MTCL1: variants seen among roughly 807,000 people sequenced by gnomAD.
MTCL1 encodes the protein microtubule crosslinking factor 1.
MTCL1 carries 79 observed loss-of-function variants against 141.4 expected under a neutral mutation model. The ratio of observed to expected loss-of-function variants is 0.56; its 90% CI spans 0.47 to 0.67. The LOEUF (loss-of-function observed/expected upper bound fraction) is 0.67. Ranked by LOEUF, MTCL1 falls within the 30% of genes least tolerant of loss-of-function variation. The pLI is 0.00. For synonymous variants in MTCL1, 914 were observed against 875.8 expected (o/e 1.04, Z -0.77); for missense variants, 2,177 against 2,113.9 (o/e 1.03, Z -0.59).
chr18:8,767,092 G>T (rs2096463200), intron 4 of MTCL1, among the ~76,000 whole-genome samples: 1 of 152,218 alleles, frequency 6.6e-6, no homozygotes, highest in Non-Finnish European at 1.5e-5. Context: ...CAGTGGCAGA[G>T]GCTGATGGAG....
chr18:8,745,965 T>C (rs1436098253), intron 4 of MTCL1, among the ~76,000 whole-genome samples: 1 of 152,230 alleles, frequency 6.6e-6, no homozygotes, highest in Non-Finnish European at 1.5e-5. Context: ...TCTGTGTACC[T>C]CATATAATTG....
At chr18:8,724,843 G>T (rs1488457369) in intron 4 of MTCL1, among the ~76,000 whole-genome samples, 1 of 151,980 alleles carries the variant, frequency 6.6e-6, no homozygotes, top group Non-Finnish European at 1.5e-5. Context: ...GGCTGATCTG[G>T]CTAGAATTAT....
chr18:8,780,942 G>A (rs919933013), intron 5 of MTCL1, among the ~76,000 whole-genome samples: 1 of 152,054 alleles, frequency 6.6e-6, no homozygotes, highest in African/African-American at 2.4e-5. Context: ...CTGAGGTGGT[G>A]GATCATCTGA....
chr18:8,774,613 G>A (rs2096498064), intron 4 of MTCL1, among the ~76,000 whole-genome samples: 1 of 152,036 alleles, frequency 6.6e-6, no homozygotes, highest in Admixed American at 6.6e-5. Context: ...TTTGTCTCCT[G>A]AGTAGCTGGG....
chr18:8,813,364 G>T (rs1264171567), intron 12 of MTCL1, 131 bp downstream of exon 11: 14 of 1,134,030 alleles, frequency 1.2e-5, no homozygotes, highest in Non-Finnish European at 1.7e-5. Flanking sequence ...CAAAGGAAGA[G>T]AGAGAAATTC....
chr18:8,763,275 C>T (rs1250312948), intron 4 of MTCL1, among the ~76,000 whole-genome samples: 7 of 152,342 alleles, frequency 4.6e-5, no homozygotes, highest in African/African-American at 1.2e-4. Flanking sequence ...AAGGGACAGC[C>T]GTGGAAGTGG....
At chr18:8,758,358 G>T (rs1299975662) in intron 4 of MTCL1, among the ~76,000 whole-genome samples, 1 of 152,068 alleles carries the variant, frequency 6.6e-6, no homozygotes, top group Non-Finnish European at 1.5e-5. Context: ...AGTTATGCCA[G>T]ATCTACCACC....
At chr18:8,727,874 C>CTCTA (rs2096226498) in intron 4 of MTCL1, among the ~76,000 whole-genome samples, 2 of 146,866 alleles carry the variant, frequency 1.4e-5, no homozygotes, top group African/African-American at 2.6e-5. Context: ...CTCTCTCTCT[C>CTCTA]CCTGCTTCCC....
At chr18:8,821,566 G>C (rs1422114165) in intron 14 of MTCL1, 68 bp downstream of exon 13, 2 of 825,978 alleles carry the variant, frequency 2.4e-6, no homozygotes, top group African/African-American at 3.5e-5. Flanking sequence ...ATGTTGTTTT[G>C]TCAATGCAGT....
At chr18:8,708,781 C>A (rs1021484598) in intron 1 of MTCL1, among the ~76,000 whole-genome samples, 1 of 152,194 alleles carries the variant, frequency 6.6e-6, no homozygotes, top group Non-Finnish European at 1.5e-5. Context: ...ATCCCACTGC[C>A]AGTGTTTCAG....
At chr18:8,762,603 C>T (rs149129809) in intron 4 of MTCL1, among the ~76,000 whole-genome samples, 16 of 152,310 alleles carry the variant, frequency 1.1e-4, no homozygotes, top group Admixed American at 7.2e-4. Context: ...TGAGGAAGGA[C>T]GGAAATTGAT....
chr18:8,752,538 G>A (rs2096376913), intron 4 of MTCL1, among the ~76,000 whole-genome samples: 1 of 152,194 alleles, frequency 6.6e-6, no homozygotes, highest in Non-Finnish European at 1.5e-5. Flanking sequence ...GCAAGTTAAA[G>A]AGTGCAAATG....
chr18:8,724,655 C>T (rs926470310), intron 4 of MTCL1, among the ~76,000 whole-genome samples: 2 of 152,136 alleles, frequency 1.3e-5, no homozygotes, highest in East Asian at 1.9e-4. Context: ...GACACAGCAG[C>T]CTATTACCCC....
At chr18:8,792,792 A>G (rs2075779919) in intron 7 of MTCL1, among the ~76,000 whole-genome samples, 1 of 152,162 alleles carries the variant, frequency 6.6e-6, no homozygotes, top group African/African-American at 2.4e-5. Flanking sequence ...GGCAGGTGGA[A>G]CTGTCCCTCC....
At chr18:8,711,371 G>C (rs1462349855) in intron 1 of MTCL1, among the ~76,000 whole-genome samples, 1 of 149,744 alleles carries the variant, frequency 6.7e-6, no homozygotes, top group Non-Finnish European at 1.5e-5. Context: ...TGTCTTTATA[G>C]CAGCATGATT....
chr18:8,775,299 G>C (rs144520302), intron 4 of MTCL1, among the ~76,000 whole-genome samples: 1 of 151,904 alleles, frequency 6.6e-6, no homozygotes, highest in Non-Finnish European at 1.5e-5. Flanking sequence ...GGCCGGGCAC[G>C]GTGGCTCAAT....
intron 4 of MTCL1, among the ~76,000 whole-genome samples, chr18:8,726,185 G>A (rs12970761): frequency 0.35 from 52,554 of 150,990 alleles, 9,376 homozygotes; most frequent in Admixed American, 0.48. Flanking sequence ...TTATTCTAAT[G>A]TATTGCTTTT....
intron 4 of MTCL1, among the ~76,000 whole-genome samples, chr18:8,760,076 C>T (rs1159411639): frequency 1.3e-5 from 2 of 152,194 alleles, no homozygotes; most frequent in Non-Finnish European, 2.9e-5. Context: ...CCCAAAGCCA[C>T]AGCACATTCC....
At position 8,829,080 on chromosome 18, in the gene MTCL1, T is replaced by A. The variant is rs538852276; in HGVS notation, c.*18+116T>A. 45 of 1,563,358 alleles carry A rather than the reference T, an allele frequency of 2.9e-5. No individual in the cohort carries two copies. The African/African-American group carries it at 5.0e-4, about 17-fold the overall frequency. On this transcript the variant is annotated intron_variant, in intron 16 of 16. Transcript: ENST00000359865. ...TTCTGCCCGGTGGCGGTACCCTCGC[T>A]CACCCCAAGTTCCAGGAGGTTCGCC...
Sources: gnomAD v4.1 joint callset for allele counts (sites outside exome capture counted in the v4.1 genomes callset) on GRCh38, gnomAD v4.1.1 for gene constraint, MANE v1.5 for transcripts, NCBI Gene and HGNC (gene_info 2026-07-23, HGNC 2026-07-21) for gene names.